The following DLGAP2 variants were observed in gnomAD, a reference collection of about 807,000 sequenced individuals.
DLGAP2 encodes the protein DLG associated protein 2.
DLGAP2 carries 26 observed loss-of-function variants against 100.3 expected under a neutral mutation model. The observed-to-expected ratio is 0.26, with a 90% CI of 0.19 to 0.36. The LOEUF (loss-of-function observed/expected upper bound fraction) is 0.36. DLGAP2 is among the 10% of genes least tolerant of loss of function. The pLI is 1.00. For missense variants in DLGAP2, 1,858 were observed against 1,453.2 expected, an observed-to-expected ratio of 1.28 and a Z score of -4.53; for synonymous variants, 886 against 630.1, an observed-to-expected ratio of 1.41 and a Z score of -6.08.
intron 2 of DLGAP2, among the ~76,000 whole-genome samples, chr8:972,642 T>C (rs577383884): frequency 1.3e-5 from 2 of 152,134 alleles, no homozygotes; most frequent in Non-Finnish European, 2.9e-5. Context: ...TTTATTTATT[T>C]ATCATTCTTG....
chr8:1,362,020 A>T (rs1044393034), intron 3 of DLGAP2, among the ~76,000 whole-genome samples: 1 of 152,182 alleles, frequency 6.6e-6, no homozygotes. Context: ...CTTCCGTGCT[A>T]CGGTGGCAAG....
chr8:1,469,005 C>A (rs574758841), intron 3 of DLGAP2, among the ~76,000 whole-genome samples: 16 of 152,342 alleles, frequency 1.1e-4, no homozygotes, highest in African/African-American at 3.4e-4. Flanking sequence ...ACTGCAAAGA[C>A]CAAGGTCAGA....
At chr8:1,639,610 G>C (rs184426469) in intron 8 of DLGAP2, among the ~76,000 whole-genome samples, 10 of 152,196 alleles carry the variant, frequency 6.6e-5, no homozygotes, top group Non-Finnish European at 1.2e-4. Context: ...CATATTTGCA[G>C]CTGTAAAAAT....
At chr8:1,555,481 G>A (rs192245187) in intron 5 of DLGAP2, among the ~76,000 whole-genome samples, 3 of 152,250 alleles carry the variant, frequency 2.0e-5, no homozygotes, top group East Asian at 1.9e-4. Flanking sequence ...GCTTCCCCCC[G>A]GCCCCGACTG....
At chr8:1,372,052 G>T (rs1009170117) in intron 3 of DLGAP2, among the ~76,000 whole-genome samples, 1 of 152,272 alleles carries the variant, frequency 6.6e-6, no homozygotes, top group Admixed American at 6.5e-5. Context: ...GGGGGCCTGA[G>T]GCACACACTG....
At chr8:1,176,728 G>T (rs1797267241) in intron 2 of DLGAP2, among the ~76,000 whole-genome samples, 1 of 152,228 alleles carries the variant, frequency 6.6e-6, no homozygotes, top group African/African-American at 2.4e-5. Flanking sequence ...TGTGCACTCA[G>T]GTGCAGCCCC....
intron 2 of DLGAP2, among the ~76,000 whole-genome samples, chr8:1,049,490 C>A (rs180703005): frequency 6.6e-4 from 100 of 152,128 alleles, no homozygotes; most frequent in Admixed American, 6.3e-3. Context: ...CCCTTTTATC[C>A]TTTATTTGTA....
chr8:854,912 G>A (rs147236326), intron 1 of DLGAP2, among the ~76,000 whole-genome samples: 24 of 152,330 alleles, frequency 1.6e-4, no homozygotes, highest in East Asian at 1.9e-4. Context: ...CGGCATGCCC[G>A]GATTTTCTTT....
At chr8:1,538,629 C>G (rs1193900038) in intron 4 of DLGAP2, among the ~76,000 whole-genome samples, 1 of 152,182 alleles carries the variant, frequency 6.6e-6, no homozygotes, top group African/African-American at 2.4e-5. Flanking sequence ...CTCCCATGCT[C>G]ACCGCTTGCT....
intron 2 of DLGAP2, among the ~76,000 whole-genome samples, chr8:1,134,290 C>T (rs1184909017): frequency 1.3e-5 from 2 of 152,184 alleles, no homozygotes; most frequent in Non-Finnish European, 2.9e-5. Flanking sequence ...AATAGTGCTG[C>T]AATGAACGTG....
chr8:1,018,147 C>T (rs187013965), intron 2 of DLGAP2, among the ~76,000 whole-genome samples: 1 of 151,368 alleles, frequency 6.6e-6, no homozygotes, highest in Non-Finnish European at 1.5e-5. Context: ...ATGCTTGGCC[C>T]TGCTCAGTCA....
chr8:773,710 G>T (rs894776124), intron 1 of DLGAP2, among the ~76,000 whole-genome samples: 1 of 151,962 alleles, frequency 6.6e-6, no homozygotes, highest in Admixed American at 6.6e-5. Flanking sequence ...GTATTCCATG[G>T]TGTATATATG....
chr8:1,537,303 TTGTGTGTGCCTG>T (rs1385964213), intron 4 of DLGAP2, among the ~76,000 whole-genome samples: 5 of 152,142 alleles, frequency 3.3e-5, no homozygotes, highest in Admixed American at 6.5e-5. Flanking sequence ...GTGCACATAG[TTGTGTGTGCCTG>T]TGTGTGTGGT....
intron 1 of DLGAP2, among the ~76,000 whole-genome samples, chr8:795,582 G>T (rs1257658600): frequency 6.6e-6 from 1 of 152,254 alleles, no homozygotes; most frequent in Non-Finnish European, 1.5e-5. Flanking sequence ...GGAAAATTGT[G>T]CATCGGAGAC....
chr8:1,338,926 G>T (rs1389399200), intron 3 of DLGAP2, among the ~76,000 whole-genome samples: 2 of 148,648 alleles, frequency 1.3e-5, no homozygotes, highest in Non-Finnish European at 3.0e-5. Flanking sequence ...ACCTGGCAGG[G>T]AATGCAATGA....
intron 8 of DLGAP2, among the ~76,000 whole-genome samples, chr8:1,638,484 G>A (rs1050025677): frequency 2.6e-4 from 40 of 152,020 alleles, no homozygotes; most frequent in African/African-American, 8.5e-4. Context: ...ACGGCAGCAC[G>A]GGAGGACTAA....
intron 2 of DLGAP2, among the ~76,000 whole-genome samples, chr8:1,027,534 G>A (rs897029988): frequency 2.0e-5 from 3 of 148,084 alleles, no homozygotes; most frequent in East Asian, 2.0e-4. Context: ...TAGGGTGCTC[G>A]GTGCCCATTA....
At chr8:1,479,998 G>T (rs898949616) in intron 3 of DLGAP2, among the ~76,000 whole-genome samples, 4 of 152,170 alleles carry the variant, frequency 2.6e-5, no homozygotes, top group African/African-American at 9.7e-5. Flanking sequence ...GTTTTACATA[G>T]ATTAGTCCTC....
intron 1 of DLGAP2, among the ~76,000 whole-genome samples, chr8:863,513 A>G (rs1213228886): frequency 6.6e-6 from 1 of 152,212 alleles, no homozygotes; most frequent in African/African-American, 2.4e-5. Context: ...AGGATGCTGG[A>G]TATTAACCGC....
Sources: gnomAD v4.1 joint callset for allele counts (sites outside exome capture counted in the v4.1 genomes callset) on GRCh38, gnomAD v4.1.1 for gene constraint, MANE v1.5 for transcripts, NCBI Gene and HGNC (gene_info 2026-07-23, HGNC 2026-07-21) for gene names.